SCFD2: variants seen among roughly 807,000 people sequenced by gnomAD.
SCFD2 encodes the protein sec1 family domain-containing protein 2.
Under a neutral mutation model 58.9 loss-of-function variants are expected in SCFD2, and 54 were observed. The ratio of observed to expected loss-of-function variants is 0.92; its 90% CI spans 0.74 to 1.15. SCFD2 has a LOEUF of 1.15. Ranked by LOEUF, SCFD2 falls within the 50% of genes most tolerant of loss-of-function variation. SCFD2 has a pLI of 0.00. For synonymous variants in SCFD2, 321 were observed against 335.9 expected, an observed-to-expected ratio of 0.96 and a Z score of 0.49; for missense variants, 805 against 836.6, an observed-to-expected ratio of 0.96 and a Z score of 0.47.
chr4:53,137,040 T>C (rs1725963476), intron 5 of SCFD2, among the ~76,000 whole-genome samples: 3 of 152,256 alleles, frequency 2.0e-5, no homozygotes, highest in African/African-American at 2.4e-5. Flanking sequence ...AAGTCTGTAA[T>C]TGTAGCAAAT....
intron 4 of SCFD2, among the ~76,000 whole-genome samples, chr4:53,196,769 C>G (rs968318144): frequency 3.4e-5 from 5 of 148,236 alleles, no homozygotes; most frequent in Non-Finnish European, 5.9e-5. Context: ...GAGAATTCAA[C>G]TTTTCATCAA....
chr4:53,051,082 C>T (rs1393226252), intron 5 of SCFD2, among the ~76,000 whole-genome samples: 3 of 152,192 alleles, frequency 2.0e-5, no homozygotes, highest in Non-Finnish European at 4.4e-5. Context: ...ATTGCAAGTT[C>T]CATGAGGGCA....
intron 2 of SCFD2, among the ~76,000 whole-genome samples, chr4:53,332,419 C>G (rs1355724952): frequency 6.6e-6 from 1 of 151,532 alleles, no homozygotes; most frequent in African/African-American, 2.4e-5. Flanking sequence ...GGGCTTCATC[C>G]CTGGGATGCA....
intron 6 of SCFD2, among the ~76,000 whole-genome samples, 175 bp downstream of exon 6, chr4:52,920,550 T>C (rs879425851): frequency 1.3e-5 from 2 of 152,138 alleles, no homozygotes; most frequent in Admixed American, 6.5e-5. Flanking sequence ...CATAAATGAA[T>C]TGAGAGGCTT....
intron 8 of SCFD2, among the ~76,000 whole-genome samples, chr4:52,879,688 C>A (rs1718563927): frequency 6.6e-6 from 1 of 152,208 alleles, no homozygotes; most frequent in African/African-American, 2.4e-5. Flanking sequence ...GCAGCCCAGC[C>A]CTTAGGAGTG....
At chr4:52,920,303 G>A (rs151265642) in intron 6 of SCFD2, among the ~76,000 whole-genome samples, 5 of 152,246 alleles carry the variant, frequency 3.3e-5, no homozygotes, top group East Asian at 3.9e-4. Context: ...TTCCCTTGTC[G>A]TAACATTATC....
chr4:53,350,115 T>TG (rs1409921619), intron 2 of SCFD2, among the ~76,000 whole-genome samples: 1 of 152,216 alleles, frequency 6.6e-6, no homozygotes, highest in African/African-American at 2.4e-5. Context: ...TGTAAGTGTG[T>TG]GCTATTACTA....
chr4:52,988,021 A>G (rs111425678), intron 5 of SCFD2, among the ~76,000 whole-genome samples: 2,284 of 152,334 alleles, frequency 0.015, 59 homozygotes, highest in African/African-American at 0.053. Context: ...AGCTCATTAC[A>G]GTGTCAGACA....
chr4:52,878,987 C>T (rs537244906), intron 8 of SCFD2, among the ~76,000 whole-genome samples: 2 of 152,290 alleles, frequency 1.3e-5, no homozygotes, highest in African/African-American at 4.8e-5. Context: ...TCTCCTTCCC[C>T]TCCCTCTCTT....
At chr4:53,135,247 G>A (rs1208854195) in intron 5 of SCFD2, among the ~76,000 whole-genome samples, 3 of 152,024 alleles carry the variant, frequency 2.0e-5, no homozygotes, top group African/African-American at 7.3e-5. Flanking sequence ...CTAAGGCGGG[G>A]GCTCTAGAAT....
At chr4:53,022,641 A>G (rs754689482) in intron 5 of SCFD2, among the ~76,000 whole-genome samples, 6 of 152,278 alleles carry the variant, frequency 3.9e-5, no homozygotes, top group African/African-American at 7.2e-5. Context: ...GCAAGTTTTA[A>G]ACTTTCTCCT....
intron 5 of SCFD2, among the ~76,000 whole-genome samples, chr4:53,004,531 C>T (rs1284904445): frequency 1.3e-5 from 2 of 152,130 alleles, no homozygotes; most frequent in African/African-American, 4.8e-5. Flanking sequence ...TATTATGATT[C>T]CTTTTGACAG....
chr4:53,194,120 C>T (rs907207303), intron 4 of SCFD2, among the ~76,000 whole-genome samples: 1 of 152,140 alleles, frequency 6.6e-6, no homozygotes, highest in Non-Finnish European at 1.5e-5. Flanking sequence ...ACACAGACAA[C>T]GTACATTTAT....
chr4:53,316,663 A>G (rs1179623302), intron 2 of SCFD2, among the ~76,000 whole-genome samples: 1 of 152,162 alleles, frequency 6.6e-6, no homozygotes, highest in East Asian at 1.9e-4. Context: ...TATTCATACA[A>G]TCTTGATTAG....
At chr4:53,053,521 A>AAG (rs2148833903) in intron 5 of SCFD2, among the ~76,000 whole-genome samples, 1 of 152,198 alleles carries the variant, frequency 6.6e-6, no homozygotes, top group Non-Finnish European at 1.5e-5. Context: ...AAGGCATACA[A>AAG]AGCTCTTTGT....
chr4:53,149,873 G>A (rs1295491482), intron 4 of SCFD2, among the ~76,000 whole-genome samples: 2 of 152,096 alleles, frequency 1.3e-5, no homozygotes, highest in Non-Finnish European at 2.9e-5. Flanking sequence ...TATGAAGATC[G>A]TGAACAATCA....
chr4:53,025,327 C>G (rs1220978868), intron 5 of SCFD2, among the ~76,000 whole-genome samples: 3 of 152,090 alleles, frequency 2.0e-5, no homozygotes, highest in Non-Finnish European at 4.4e-5. Context: ...ATTAGAAAAT[C>G]AACATTAAAA....
intron 5 of SCFD2, among the ~76,000 whole-genome samples, chr4:52,946,501 G>A (rs950554396): frequency 3.3e-5 from 5 of 151,914 alleles, no homozygotes; most frequent in African/African-American, 1.2e-4. Context: ...TCCTTCTTAA[G>A]CAAAGAGAAA....
chr4:52,920,748 C>T lies in SCFD2; in HGVS notation c.1684G>A (p.Val562Ile). 1.2e-6 allele frequency: 2 copies of T among 1,607,660 alleles called. No individual in the cohort carries two copies. Among genetic ancestry groups the T allele is most frequent in the Non-Finnish European group, 8.5e-7 (1 of 1,176,562 alleles). ...SLLKQFKSVY[V>I]PGNHTHQASY... The stretch of plus-strand genomic sequence containing the variant: ...GCCTGGTGGGTATGATTTCCAGGAA[C>T]ATATACAGACTTAAACTGTTTCAGG... Residue 562 changes from valine to isoleucine, a missense_variant, in exon 6 of 9, where the codon GTT (valine) becomes ATT (isoleucine). Physicochemically the swap from Val to Ile is conservative, Grantham distance 29. Transcript: ENST00000401642.
Sources: allele counts gnomAD v4.1 joint callset (sites outside exome capture counted in the v4.1 genomes callset), GRCh38; gene constraint gnomAD v4.1.1; transcripts MANE v1.5; gene names NCBI Gene and HGNC (gene_info 2026-07-23, HGNC 2026-07-21).